Variants in NUTM2G observed in about 807,000 individuals in gnomAD.
NUTM2G encodes the protein family with sequence similarity 22, member G.
A neutral mutation model predicts 44.3 loss-of-function variants in NUTM2G; 29 were observed. The observed-to-expected ratio is 0.66, with a 90% CI of 0.49 to 0.89. The LOEUF is 0.89. Among genes scored for constraint, NUTM2G ranks in the 40% least tolerant of loss-of-function variants. The pLI, the probability that NUTM2G is intolerant of heterozygous loss-of-function variation, is 0.00. For synonymous variants in NUTM2G, 205 were observed against 395.9 expected (o/e 0.52, Z 5.72); for missense variants, 502 against 946.5 (o/e 0.53, Z 6.16).
intron 5 of NUTM2G, 55 bp from the exon 6 acceptor site, chr9:96,937,830 G>T: frequency 6.3e-7 from 1 of 1,598,572 alleles, no homozygotes; most frequent in Non-Finnish European, 8.6e-7. Context: ...GGGTGTCCTT[G>T]GCTCCAGGTT....
At chr9:96,938,025 C>A (rs762256021) in intron 6 of NUTM2G, 24 bp downstream of exon 6, 2 of 1,612,274 alleles carry the variant, frequency 1.2e-6, no homozygotes, top group Non-Finnish European at 1.7e-6. Flanking sequence ...GGGAGGGGAA[C>A]CCAGGTACTC....
intron 2 of NUTM2G, among the ~76,000 whole-genome samples, chr9:96,932,652 A>AC (rs1564031438): frequency 2.3e-5 from 3 of 130,124 alleles, no homozygotes; most frequent in African/African-American, 8.5e-5. Flanking sequence ...CCAATCCTTA[A>AC]TTTTTTTTTT....
rs1168888338 is a variant in NUTM2G, at chr9:96,930,872, GTTTTTTTTTTTTTTTTTTT to G, written c.17-828_17-810del. 5.8e-3 allele frequency among the ~76,000 whole-genome samples: 420 copies of G among 72,658 alleles called. 1 individual carries two copies. Among genetic ancestry groups the G allele is most frequent in the African/African-American group, 0.022 (385 of 17,518 alleles). The allele number at this position is 72,658 out of a possible 152,430, so 47.7% of individuals were successfully genotyped here. A position where few individuals can be genotyped will look rare whatever the true frequency, so the allele number is the denominator to read the frequency against. On this transcript the variant is annotated intron_variant, in intron 1 of 6. Transcript: ENST00000372322. Reference sequence around the variant, plus strand: ...GGCTTGGGCGAGTTTCCATCCAGTGGTTTTTTTTTTTTTTTTTTTTTTTTTTTTTTTTTTTTTTTTGAGA... The same window carrying G: ...GGCTTGGGCGAGTTTCCATCCAGTGGTTTTTTTTTTTTTTTTTTTTTGAGA...
Position 96,931,800 on chromosome 9 carries a change from C to A in NUTM2G, c.95C>A (p.Thr32Lys). ...LSVFTALPFA[T>K]PSPGPTHRPP... is the part of the protein sequence containing the mutation. Reference sequence around the variant, plus strand: ...GTGTTCACGGCTCTGCCCTTTGCCACACCCTCTCCCGGCCCAACACACAGG... The same window carrying A: ...GTGTTCACGGCTCTGCCCTTTGCCAAACCCTCTCCCGGCCCAACACACAGG... The change falls in exon 2 of 7, where the codon ACA becomes AAA. Residue 32 changes from threonine (T) to lysine (K), a missense_variant. Physicochemically the swap from Thr to Lys is moderately conservative, Grantham distance 78. Coordinates refer to ENST00000372322, the MANE Select transcript of NUTM2G (RefSeq NM_001170741.3). The A allele has an allele frequency of 6.2e-7, 1 of 1,611,788 alleles. No homozygotes were observed. The highest frequency in any genetic ancestry group is 8.5e-7 in the Non-Finnish European group (1 of 1,179,872).
intron 4 of NUTM2G, 135 bp from the exon 5 acceptor site, chr9:96,936,929 T>C (rs1273440657): frequency 7.4e-6 from 10 of 1,357,940 alleles, no homozygotes; most frequent in Middle Eastern, 2.6e-4. Flanking sequence ...CGGCGTCTCC[T>C]CCGGGGCGCT....
chr9:96,940,477 C>A (rs1826565799), downstream of NUTM2G, among the ~76,000 whole-genome samples: 1 of 150,442 alleles, frequency 6.6e-6, no homozygotes, highest in Admixed American at 6.6e-5. Flanking sequence ...CCTCTGCCCC[C>A]CTTACCCCTA....
rs182463280 is a variant in NUTM2G at position 96,933,161 on chromosome 9, G to A, written c.713+743G>A. ...CCCGGCTAATTTTTTTGTATTTTTAGTAGAGACGGGGTTTCACCATGTTAG... is the reference window on the plus strand; with the variant it reads ...CCCGGCTAATTTTTTTGTATTTTTAATAGAGACGGGGTTTCACCATGTTAG... On this transcript the variant is annotated intron_variant, in intron 2 of 6. Coordinates refer to ENST00000372322, the MANE Select transcript of NUTM2G (RefSeq NM_001170741.3). Among the ~76,000 whole-genome samples, 629 of 147,442 alleles carry A rather than the reference G, an allele frequency of 4.3e-3. 2 individuals are homozygous for A. Among genetic ancestry groups the A allele is most frequent in the Middle Eastern group, 7.2e-3 (2 of 276 alleles).
intron 1 of NUTM2G, 134 bp from the exon 2 acceptor site, chr9:96,931,586 GCA>G (rs1437790662): frequency 3.6e-5 from 26 of 730,968 alleles, no homozygotes; most frequent in Non-Finnish European, 5.5e-5. Context: ...AGCATCTGAT[GCA>G]CACTCAGGGA....
At chr9:96,931,041 C>A (rs541318733) in intron 1 of NUTM2G, among the ~76,000 whole-genome samples, 1 of 151,732 alleles carries the variant, frequency 6.6e-6, no homozygotes, top group Non-Finnish European at 1.5e-5. Flanking sequence ...ATTACAGGCA[C>A]GCATCATCAG....
chr9:96,934,443 C>T (rs560385851), intron 2 of NUTM2G, among the ~76,000 whole-genome samples: 2 of 151,844 alleles, frequency 1.3e-5, no homozygotes, highest in Non-Finnish European at 2.9e-5. Flanking sequence ...TCCCGGTGCA[C>T]TGGGGACCCT....
intron 1 of NUTM2G, among the ~76,000 whole-genome samples, chr9:96,931,251 G>T (rs1008776081): frequency 1.3e-5 from 2 of 151,572 alleles, no homozygotes; most frequent in South Asian, 2.1e-4. Context: ...GAGCTTCAGG[G>T]AAAGGAAGAC....
At chr9:96,937,674 C>G (rs1826483028) in intron 5 of NUTM2G, among the ~76,000 whole-genome samples, 1 of 149,936 alleles carries the variant, frequency 6.7e-6, no homozygotes, top group African/African-American at 2.5e-5. Flanking sequence ...GTACATGGGT[C>G]TGTGTGTCTG....
chr9:96,937,678 G>A (rs1024540989), intron 5 of NUTM2G, among the ~76,000 whole-genome samples: 6 of 150,302 alleles, frequency 4.0e-5, no homozygotes, highest in African/African-American at 1.0e-4. Context: ...ATGGGTCTGT[G>A]TGTCTGTGTG....
intron 2 of NUTM2G, among the ~76,000 whole-genome samples, chr9:96,934,338 G>T (rs922336390): frequency 1.3e-5 from 2 of 152,224 alleles, no homozygotes; most frequent in African/African-American, 2.4e-5. Flanking sequence ...GGAGTCCCCT[G>T]CCTGGGGTGT....
chr9:96,936,981 T>A, intron 4 of NUTM2G, 83 bp from the exon 5 acceptor site: 1 of 1,370,144 alleles, frequency 7.3e-7, no homozygotes, highest in Admixed American at 2.2e-5. Context: ...CCACTTCACA[T>A]CCCCAAGCCC....
downstream of NUTM2G, among the ~76,000 whole-genome samples, chr9:96,942,002 G>A (rs200279413): frequency 1.1e-4 from 17 of 151,620 alleles, no homozygotes; most frequent in East Asian, 3.9e-4. Context: ...TGAGGCTCTC[G>A]GTGGGTTTGG....
downstream of NUTM2G, among the ~76,000 whole-genome samples, chr9:96,941,989 T>C (rs989695713): frequency 2.0e-5 from 3 of 151,322 alleles, no homozygotes; most frequent in African/African-American, 7.4e-5. Context: ...GCTGGGGGTA[T>C]GCTGAGGCTC....
At chr9:96,940,896 G>A (rs1429470009), downstream of NUTM2G, among the ~76,000 whole-genome samples, 1 of 152,238 alleles carries the variant, frequency 6.6e-6, no homozygotes, top group Non-Finnish European at 1.5e-5. Flanking sequence ...TTTCGCCTTT[G>A]GGAAGGAGAG....
downstream of NUTM2G, among the ~76,000 whole-genome samples, chr9:96,940,913 T>C (rs1332657148): frequency 6.6e-6 from 1 of 152,184 alleles, no homozygotes; most frequent in Non-Finnish European, 1.5e-5. Context: ...AGAGTTTATC[T>C]TGGCAGGGCT....
Sources: gnomAD v4.1 joint callset for allele counts (sites outside exome capture counted in the v4.1 genomes callset) on GRCh38, gnomAD v4.1.1 for gene constraint, MANE v1.5 for transcripts, NCBI Gene and HGNC (gene_info 2026-07-23, HGNC 2026-07-21) for gene names.